RBMS3: variants seen among roughly 807,000 people sequenced by gnomAD.
The protein encoded by RBMS3 is RNA-binding motif, single-stranded-interacting protein 3.
A neutral mutation model predicts 66.8 loss-of-function variants in RBMS3; 27 were observed. That is an observed-to-expected ratio of 0.40 (90% CI 0.30 to 0.56). The LOEUF (loss-of-function observed/expected upper bound fraction) is 0.56. Among genes scored for constraint, RBMS3 ranks in the 20% least tolerant of loss-of-function variants. The probability of loss-of-function intolerance (pLI) is 0.40; values close to 1 mark genes in which losing one functional copy is unlikely to be tolerated. For missense variants in RBMS3, 513 were observed against 549.5 expected (o/e 0.93, Z 0.66); for synonymous variants, 188 against 183.0 (o/e 1.03, Z -0.22).
chr3:29,648,769 A>G (rs2050038291), intron 4 of RBMS3, among the ~76,000 whole-genome samples: 1 of 152,034 alleles, frequency 6.6e-6, no homozygotes, highest in East Asian at 1.9e-4. Flanking sequence ...AAAAAAGCTT[A>G]CCCCCGTCAC....
At chr3:29,524,301 GA>G in intron 3 of RBMS3, among the ~76,000 whole-genome samples, 1 of 151,958 alleles carries the variant, frequency 6.6e-6, no homozygotes, top group South Asian at 2.1e-4. Flanking sequence ...TGTGATGAGG[GA>G]AATGCAGCTT....
chr3:29,454,914 A>G (rs1055441577), intron 2 of RBMS3, among the ~76,000 whole-genome samples: 1 of 152,190 alleles, frequency 6.6e-6, no homozygotes, highest in African/African-American at 2.4e-5. Context: ...ATAATTTTAT[A>G]ATATTAGATC....
At chr3:29,603,702 A>G (rs2048227111) in intron 4 of RBMS3, among the ~76,000 whole-genome samples, 1 of 152,016 alleles carries the variant, frequency 6.6e-6, no homozygotes, top group African/African-American at 2.4e-5. Context: ...AATAACAAGT[A>G]AGATACAATT....
At chr3:29,965,091 T>A (rs2149745376) in intron 12 of RBMS3, among the ~76,000 whole-genome samples, 1 of 152,322 alleles carries the variant, frequency 6.6e-6, no homozygotes, top group Non-Finnish European at 1.5e-5. Context: ...CATATATACA[T>A]ACCACAGTTT....
At chr3:29,645,510 A>G (rs1015164742) in intron 4 of RBMS3, among the ~76,000 whole-genome samples, 1 of 152,202 alleles carries the variant, frequency 6.6e-6, no homozygotes, top group Non-Finnish European at 1.5e-5. Flanking sequence ...ACTTCTGTAC[A>G]AAGAGTGCTA....
intron 4 of RBMS3, among the ~76,000 whole-genome samples, chr3:29,670,526 C>A (rs1250687005): frequency 2.0e-5 from 3 of 152,130 alleles, no homozygotes; most frequent in African/African-American, 7.2e-5. Context: ...ACAGATGGTT[C>A]CGGGAAAATT....
At chr3:29,532,935 A>G (rs2045421261) in intron 3 of RBMS3, among the ~76,000 whole-genome samples, 1 of 152,182 alleles carries the variant, frequency 6.6e-6, no homozygotes, top group Non-Finnish European at 1.5e-5. Context: ...GGATACCTAT[A>G]TAAGTAGTAT....
intron 1 of RBMS3, among the ~76,000 whole-genome samples, chr3:29,310,317 A>C (rs2034295734): frequency 6.6e-6 from 1 of 151,690 alleles, no homozygotes; most frequent in South Asian, 2.1e-4. Flanking sequence ...GGCCCGGATA[A>C]GGTCATATCT....
intron 4 of RBMS3, among the ~76,000 whole-genome samples, chr3:29,651,207 C>T (rs2050133282): frequency 6.6e-6 from 1 of 152,168 alleles, no homozygotes; most frequent in South Asian, 2.1e-4. Flanking sequence ...AGAGGTCTTG[C>T]ATAGGACTCT....
intron 4 of RBMS3, among the ~76,000 whole-genome samples, chr3:29,679,002 T>C (rs576332046): frequency 6.6e-6 from 1 of 152,232 alleles, no homozygotes; most frequent in African/African-American, 2.4e-5. Flanking sequence ...TTTAGTATGG[T>C]GGCTACATCA....
chr3:29,540,710 A>G (rs1288100193), intron 3 of RBMS3, among the ~76,000 whole-genome samples: 2 of 152,154 alleles, frequency 1.3e-5, no homozygotes, highest in African/African-American at 4.8e-5. Context: ...GTGTGAGCTA[A>G]GATTGCACCC....
intron 1 of RBMS3, chr3:29,391,118 A>AC: frequency 4.9e-6 from 1 of 203,922 alleles, no homozygotes; most frequent in Non-Finnish European, 1.2e-5. Context: ...AGTGGCAGAA[A>AC]CCCCAAAAAA....
intron 6 of RBMS3, among the ~76,000 whole-genome samples, chr3:29,831,278 G>A (rs1377273931): frequency 6.6e-6 from 1 of 152,114 alleles, no homozygotes; most frequent in Non-Finnish European, 1.5e-5. Flanking sequence ...TTCTCCTTTT[G>A]AGGACTGAGT....
intron 2 of RBMS3, among the ~76,000 whole-genome samples, chr3:29,464,622 G>T (rs948355866): frequency 2.0e-5 from 3 of 152,264 alleles, no homozygotes; most frequent in South Asian, 2.1e-4. Flanking sequence ...AGGTATCAAA[G>T]AAATATTTGG....
chr3:29,540,508 T>C (rs2045717159), intron 3 of RBMS3, among the ~76,000 whole-genome samples: 1 of 152,204 alleles, frequency 6.6e-6, no homozygotes, highest in African/African-American at 2.4e-5. Flanking sequence ...AGAATTCTTC[T>C]AGTTCTCTGC....
chr3:29,421,497 G>T (rs181268922), intron 1 of RBMS3, among the ~76,000 whole-genome samples: 30 of 152,254 alleles, frequency 2.0e-4, no homozygotes, highest in Middle Eastern at 6.8e-3. Flanking sequence ...TTAATTAAGT[G>T]CATGGATATT....
At chr3:29,816,356 C>A (rs1031445062) in intron 6 of RBMS3, among the ~76,000 whole-genome samples, 1 of 148,742 alleles carries the variant, frequency 6.7e-6, no homozygotes, top group Non-Finnish European at 1.5e-5. Flanking sequence ...ACACATTTCA[C>A]TGGACAGACC....
At chr3:29,459,653 C>T (rs886164856) in intron 2 of RBMS3, among the ~76,000 whole-genome samples, 1 of 152,168 alleles carries the variant, frequency 6.6e-6, no homozygotes, top group African/African-American at 2.4e-5. Context: ...AGTAAAGGCC[C>T]AGCCCATGAG....
intron 6 of RBMS3, among the ~76,000 whole-genome samples, chr3:29,790,309 G>A (rs1030550267): frequency 1.3e-5 from 2 of 152,062 alleles, no homozygotes; most frequent in Non-Finnish European, 2.9e-5. Context: ...CATATTTAGC[G>A]CTCACATGAT....
Sources: gnomAD v4.1 joint callset for allele counts (sites outside exome capture counted in the v4.1 genomes callset) on GRCh38, gnomAD v4.1.1 for gene constraint, MANE v1.5 for transcripts, NCBI Gene and HGNC (gene_info 2026-07-23, HGNC 2026-07-21) for gene names.